Variants in CHAC1 observed in about 807,000 individuals in gnomAD.
CHAC1 encodes the protein ChaC glutathione specific gamma-glutamylcyclotransferase 1.
A neutral mutation model predicts 22.1 loss-of-function variants in CHAC1; 22 were observed. That is an observed-to-expected ratio of 1.00 (90% CI 0.71 to 1.42). The LOEUF is 1.42. Among genes scored for constraint, CHAC1 ranks in the 40% most tolerant of loss-of-function variants. The probability of loss-of-function intolerance (pLI) is 0.00; values close to 1 mark genes in which losing one functional copy is unlikely to be tolerated. For missense variants in CHAC1, 272 were observed against 299.2 expected (o/e 0.91, Z 0.67); for synonymous variants, 145 against 128.7 (o/e 1.13, Z -0.86).
chr15:40,955,828 C>T lies in CHAC1; in HGVS notation c.*54C>T, dbSNP rs1893234502. On this transcript the variant is annotated 3_prime_UTR_variant, in exon 3 of 3. Coordinates refer to ENST00000617768, the MANE Select transcript of CHAC1 (RefSeq NM_024111.6). ...TGTGGACATCAGGGCCAGACACCCA[C>T]TCCAGTGCACAAGACAGACTTGCGA... 2 of 1,498,618 alleles carry T rather than the reference C, an allele frequency of 1.3e-6. No individual in the cohort carries two copies. The highest frequency in any genetic ancestry group is 1.8e-6 in the Non-Finnish European group (2 of 1,125,622). The allele number at this position is 1,498,618 out of a possible 1,614,324, so 92.8% of individuals were successfully genotyped here.
chr15:40,955,746 C>G lies in CHAC1; in HGVS notation c.641C>G (p.Pro214Arg). Residue 214 changes from proline (P) to arginine (R), a missense_variant, in exon 3 of 3, where the codon CCC (proline) becomes CGC (arginine). Physicochemically the swap from Pro to Arg is moderately radical, Grantham distance 103. Transcript: ENST00000617768. ...GGCACCATGTTGCCCTGCTTCTGCC[C>G]CACCGAGCAGGCTCTGGCGCTGGTG... ...AVGTMLPCFC[P>R]TEQALALV 6.3e-7 allele frequency: 1 copy of G among 1,599,506 alleles called. No individual in the cohort carries two copies. Among genetic ancestry groups the G allele is most frequent in the African/African-American group, 1.3e-5 (1 of 75,024 alleles).
chr15:40,955,541 A>T lies in CHAC1; in HGVS notation c.436A>T (p.Thr146Ser). The T allele has an allele frequency of 1.9e-6, 3 of 1,614,076 alleles. No individual in the cohort carries two copies. Among genetic ancestry groups the T allele is most frequent in the Non-Finnish European group, 2.5e-6 (3 of 1,180,018 alleles). The change falls in exon 3 of 3, where the codon ACC becomes TCC. Residue 146 changes from threonine to serine, a missense_variant. By Grantham distance (58) the Thr-to-Ser change is moderately conservative (BLOSUM62 1). Transcript: ENST00000617768. ...ACTGAAGGCATTGGCCTATGTGGCC[A>T]CCCCACAGAACCCTGGTTACCTGGG... ...QPLKALAYVATPQNPGYLGPA... is the reference protein window; with the variant it reads ...QPLKALAYVASPQNPGYLGPA...
rs549813567 is a variant in CHAC1, at chr15:40,953,486, G to A, written c.-98G>A. 4.6e-6 allele frequency: 7 copies of A among 1,524,540 alleles called. No individual in the cohort carries two copies. The South Asian group carries it at 7.4e-5, about 16-fold the overall frequency. 94.4% of individuals were successfully genotyped at this position (1,524,540 alleles called of 1,614,324 possible). On this transcript the variant is annotated 5_prime_UTR_variant, in exon 1 of 3. Coordinates refer to ENST00000617768, the MANE Select transcript of CHAC1 (RefSeq NM_024111.6). ...GGGGGCGCTCAGCTGGAGCTACCGAGCGGTGCCAGGCCAGGTGTGTGCGTC... is the reference window on the plus strand; with the variant it reads ...GGGGGCGCTCAGCTGGAGCTACCGAACGGTGCCAGGCCAGGTGTGTGCGTC...
intron 2 of CHAC1, among the ~76,000 whole-genome samples, chr15:40,954,915 C>CTT (rs60132729): frequency 0.016 from 2,193 of 139,828 alleles, 39 homozygotes; most frequent in African/African-American, 0.033. Context: ...TCAACTATGC[C>CTT]TTTTTTTTTT....
At position 40,955,562 on chromosome 15, in the gene CHAC1, C is replaced by T. The variant is rs558261296; in HGVS notation, c.457C>T (p.Leu153=). 7 of 1,614,158 alleles carry T rather than the reference C, an allele frequency of 4.3e-6. No homozygotes were observed. Among genetic ancestry groups the T allele is most frequent in the Middle Eastern group, 1.6e-4 (1 of 6,062 alleles). The change falls in exon 3 of 3, where the codon CTG becomes TTG. Residue 153 remains leucine (L), a synonymous_variant. Coordinates refer to ENST00000617768, the MANE Select transcript of CHAC1 (RefSeq NM_024111.6). ...GGCCACCCCACAGAACCCTGGTTACCTGGGCCCTGCGCCTGAAGAGGCCAT... is the reference window on the plus strand; with the variant it reads ...GGCCACCCCACAGAACCCTGGTTACTTGGGCCCTGCGCCTGAAGAGGCCAT... ...YVATPQNPGY[L]GPAPEEAIAT... is the part of the protein sequence containing the mutation.
intron 1 of CHAC1, 115 bp from the exon 2 acceptor site, chr15:40,954,113 G>T: frequency 9.5e-7 from 1 of 1,056,762 alleles, no homozygotes; most frequent in Non-Finnish European, 1.4e-6. Context: ...ATGGGACTCA[G>T]CATGCAGAGT....
At chr15:40,955,008 C>T (rs1893204038) in intron 2 of CHAC1, among the ~76,000 whole-genome samples, 3 of 151,902 alleles carry the variant, frequency 2.0e-5, no homozygotes, top group Admixed American at 2.0e-4. Flanking sequence ...ATTCTACTGC[C>T]TCACCCTCCC....
chr15:40,953,845 G>C (rs1475486223), intron 1 of CHAC1, 31 bp downstream of exon 1: 1 of 1,524,238 alleles, frequency 6.6e-7, no homozygotes, highest in African/African-American at 1.4e-5. Context: ...AGGGGAGTGA[G>C]GGGGTTGGGG....
At chr15:40,953,942 T>G in intron 1 of CHAC1, 128 bp downstream of exon 1, 1 of 780,262 alleles carries the variant, frequency 1.3e-6, no homozygotes, top group South Asian at 1.8e-5. Flanking sequence ...CTGGGGTTTG[T>G]GGCTCATTTA....
Position 40,953,475 on chromosome 15 carries a change from G to T in CHAC1, c.-109G>T. On this transcript the variant is annotated 5_prime_UTR_variant, in exon 1 of 3. Transcript: ENST00000617768. Reference sequence around the variant, plus strand: ...GCGCCTCCATGGGGGGCGCTCAGCTGGAGCTACCGAGCGGTGCCAGGCCAG... The same window carrying T: ...GCGCCTCCATGGGGGGCGCTCAGCTTGAGCTACCGAGCGGTGCCAGGCCAG... 6.7e-7 allele frequency: 1 copy of T among 1,496,386 alleles called. No individual in the cohort carries two copies. Among genetic ancestry groups the T allele is most frequent in the East Asian group, 2.5e-5 (1 of 40,762 alleles). 92.7% of individuals were successfully genotyped at this position (1,496,386 alleles called of 1,614,324 possible).
intron 1 of CHAC1, 165 bp from the exon 2 acceptor site, chr15:40,954,063 C>T (rs551265021): frequency 4.0e-6 from 3 of 747,114 alleles, no homozygotes; most frequent in Non-Finnish European, 6.7e-6. Context: ...GGACGTTTCT[C>T]CTACATCCGT....
intron 2 of CHAC1, among the ~76,000 whole-genome samples, chr15:40,955,152 CAA>C (rs773431470): frequency 2.0e-5 from 3 of 152,190 alleles, no homozygotes; most frequent in African/African-American, 4.8e-5. Flanking sequence ...CTTGGCCTCT[CAA>C]AGTGTTGGGA....
At chr15:40,953,895 T>A in intron 1 of CHAC1, 81 bp downstream of exon 1, 2 of 1,081,146 alleles carry the variant, frequency 1.8e-6, no homozygotes, top group Non-Finnish European at 2.6e-6. Flanking sequence ...TGTCCGGGGC[T>A]CTCTGGGCCA....
Position 40,955,791 on chromosome 15 carries a change from G to A in CHAC1, c.*17G>A, listed in dbSNP as rs1231749220. On this transcript the variant is annotated 3_prime_UTR_variant, in exon 3 of 3. Transcript: ENST00000617768. Reference sequence around the variant, plus strand: ...CTGGTGTGAGGGGCTGAGCCCCTGCGGGGAGTGCTCATGTGGACATCAGGG... The same window carrying A: ...CTGGTGTGAGGGGCTGAGCCCCTGCAGGGAGTGCTCATGTGGACATCAGGG... 22 of 1,571,414 alleles carry A rather than the reference G, an allele frequency of 1.4e-5. No individual in the cohort carries two copies. The highest frequency in any genetic ancestry group is 1.8e-4 in the Middle Eastern group (1 of 5,670).
Position 40,955,786 on chromosome 15 carries a change from C to A in CHAC1, c.*12C>A. On this transcript the variant is annotated 3_prime_UTR_variant, in exon 3 of 3. Coordinates refer to ENST00000617768, the MANE Select transcript of CHAC1 (RefSeq NM_024111.6). ...TGGCGCTGGTGTGAGGGGCTGAGCCCCTGCGGGGAGTGCTCATGTGGACAT... is the reference window on the plus strand; with the variant it reads ...TGGCGCTGGTGTGAGGGGCTGAGCCACTGCGGGGAGTGCTCATGTGGACAT... 1 of 1,577,340 alleles carries A rather than the reference C, an allele frequency of 6.3e-7. No homozygotes were observed. Among genetic ancestry groups the A allele is most frequent in the East Asian group, 2.3e-5 (1 of 44,326 alleles).
Position 40,955,488 on chromosome 15 carries a change from T to C in CHAC1, c.383T>C (p.Phe128Ser). 1 of 1,614,144 alleles carries C rather than the reference T, an allele frequency of 6.2e-7. No individual in the cohort carries two copies. The highest frequency in any genetic ancestry group is 8.5e-7 in the Non-Finnish European group (1 of 1,180,022). The change falls in exon 3 of 3, where the codon TTC (phenylalanine) becomes TCC (serine). Residue 128 changes from phenylalanine (F) to serine (S), a missense_variant. Transcript: ENST00000617768. ...GGCTACGATACCAAGGAGGTCACCT[T>C]CTATCCCCAAGATGCTCCTGACCAA... Reference protein sequence around the residue: ...LGGYDTKEVTFYPQDAPDQPL... With the variant: ...LGGYDTKEVTSYPQDAPDQPL...
At position 40,954,588 on chromosome 15, in the gene CHAC1, G is replaced by T. The variant is rs76652805; in HGVS notation, c.267+325G>T. Among the ~76,000 whole-genome samples the T allele has an allele frequency of 7.3e-3, 1,042 of 143,198 alleles. 9 individuals carry two copies. Among genetic ancestry groups the T allele is most frequent in the East Asian group, 0.03 (149 of 4,916 alleles). 93.9% of individuals were successfully genotyped at this position (143,198 alleles called of 152,430 possible). ...ACTTTGTCAACTGTTTTTTTTTTTT[G>T]TTGTTGTTGTTGTTGTTTTGTTTGT... On this transcript the variant is annotated intron_variant, in intron 2 of 2. Transcript: ENST00000617768.
chr15:40,953,595 G>A lies in CHAC1; in HGVS notation c.12G>A (p.Glu4=). ...CTGTGCCAGGCACCATGAAGCAGGA[G>A]TCTGCAGCCCCGAACACCCCGCCCA... The part of the protein sequence containing the change: MKQ[E]SAAPNTPPTS... Residue 4 remains glutamate, a synonymous_variant, in exon 1 of 3, where the codon GAG becomes GAA. Transcript: ENST00000617768. 1 of 1,610,112 alleles carries A rather than the reference G, an allele frequency of 6.2e-7. No homozygotes were observed. The highest frequency in any genetic ancestry group is 8.5e-7 in the Non-Finnish European group (1 of 1,179,854).
intron 2 of CHAC1, 126 bp from the exon 3 acceptor site, chr15:40,955,247 G>A (rs1893212316): frequency 2.1e-6 from 2 of 943,216 alleles, no homozygotes; most frequent in Non-Finnish European, 3.2e-6. Flanking sequence ...GCCACCAGAT[G>A]GCTCATCAGC....
Sources: gnomAD v4.1 joint callset for allele counts (sites outside exome capture counted in the v4.1 genomes callset) on GRCh38, gnomAD v4.1.1 for gene constraint, MANE v1.5 for transcripts, NCBI Gene and HGNC (gene_info 2026-07-23, HGNC 2026-07-21) for gene names.